The following SAP130 variants were observed in gnomAD, a reference collection of about 807,000 sequenced individuals.
SAP130 encodes the protein histone deacetylase complex subunit SAP130.
SAP130 carries 16 observed loss-of-function variants against 103.2 expected under a neutral mutation model. The ratio of observed to expected loss-of-function variants is 0.16; its 90% CI spans 0.10 to 0.24. The LOEUF (loss-of-function observed/expected upper bound fraction) is 0.24, where lower values mean the gene tolerates loss of function less well. Ranked by LOEUF, SAP130 falls within the 10% of genes least tolerant of loss-of-function variation. SAP130 has a pLI of 1.00. For synonymous variants in SAP130, 477 were observed against 497.0 expected, an observed-to-expected ratio of 0.96 and a Z score of 0.53; for missense variants, 990 against 1,359.7, an observed-to-expected ratio of 0.73 and a Z score of 4.28.
At chr2:127,994,877 A>G (rs528476380) in intron 11 of SAP130, among the ~76,000 whole-genome samples, 99 of 152,384 alleles carry the variant, frequency 6.5e-4, no homozygotes, top group Non-Finnish European at 1.2e-3. Context: ...ATAAACATTT[A>G]GAGCTAATTT....
At position 128,013,890 on chromosome 2, in the gene SAP130, G is replaced by A. The variant is rs900835514; in HGVS notation, c.620-736C>T. ...AAACCAGCCTGGGTAACCCAGTGAGGCCCCATCTCAAAAAATAATTATCAT... is the reference window on the plus strand; with the variant it reads ...AAACCAGCCTGGGTAACCCAGTGAGACCCCATCTCAAAAAATAATTATCAT... On this transcript the variant is annotated intron_variant, in intron 5 of 20. Transcript: ENST00000643581. 1.3e-5 allele frequency among the ~76,000 whole-genome samples: 2 copies of A among 152,068 alleles called. 1 individual carries two copies. Among genetic ancestry groups the A allele is most frequent in the Non-Finnish European group, 2.9e-5 (2 of 68,004 alleles).
intron 18 of SAP130, among the ~76,000 whole-genome samples, chr2:127,947,775 T>A (rs2438037): frequency 9.7e-4 from 16 of 16,446 alleles, no homozygotes; most frequent in Admixed American, 4.1e-3. Flanking sequence ...TGTGTGTGTG[T>A]GTGTGTGTGT....
chr2:127,955,078 C>G lies in SAP130; in HGVS notation c.2330G>C (p.Gly777Ala). ...AAAPPPSVTV[G>A]GSLSSVLGPP... ...GCCCAAGACGGAGGAAAGACTGCCA[C>G]CCACAGTGACTGATGGAGGTGGTGC... Residue 777 changes from glycine to alanine, a missense_variant, in exon 16 of 21, where the codon GGT becomes GCT. Coordinates refer to ENST00000643581, the MANE Select transcript of SAP130 (RefSeq NM_001330301.2). This position sits in a 1 kb window ranked among gnomAD's most constrained non-coding sequence, Gnocchi z 4.9. 1 of 1,614,136 alleles carries G rather than the reference C, an allele frequency of 6.2e-7. No homozygotes were observed.
In SAP130 at chr2:127,996,612, CAAAATAA is replaced by C. The variant is rs1573778554; in HGVS notation, c.1214-128_1214-122del. ...ATTAAAATAAGCCTGGATTTTTAAT[CAAAATAA>C]AAAATGAAAAATAAGTACAAAGTTC... On this transcript the variant is annotated intron_variant, in intron 10 of 20. Coordinates refer to ENST00000643581, the MANE Select transcript of SAP130 (RefSeq NM_001330301.2). This position sits in a 1 kb window ranked among gnomAD's most constrained non-coding sequence, Gnocchi z 4.3. The C allele has an allele frequency of 4.3e-6, 4 of 932,966 alleles. No individual in the cohort carries two copies. The East Asian group carries it at 1.2e-4, about 29-fold the overall frequency. The allele number at this position is 932,966 out of a possible 1,614,324, so 57.8% of individuals were successfully genotyped here. A position where few individuals can be genotyped will look rare whatever the true frequency, so the allele number is the denominator to read the frequency against.
intron 5 of SAP130, among the ~76,000 whole-genome samples, chr2:128,013,963 C>T (rs9283457): frequency 1 from 151,999 of 152,310 alleles, 75,844 homozygotes; most frequent in Middle Eastern, 1. Flanking sequence ...AAGATCATCA[C>T]TGAACTTTAA....
rs536220569 is a variant in SAP130 at position 127,965,527 on chromosome 2, C to T, written c.2064-10183G>A. ...GGCAGGGAGTGGGCATGGTGGCTCA[C>T]GCCTGTAATCCCAGCACTTTGGGAG... On this transcript the variant is annotated intron_variant, in intron 15 of 20. Transcript: ENST00000643581. 6.6e-5 allele frequency among the ~76,000 whole-genome samples: 10 copies of T among 151,912 alleles called. No homozygotes were observed. The South Asian group carries it at 8.3e-4, about 13-fold the overall frequency.
In SAP130 at chr2:127,942,840, T is replaced by A. The variant is rs976972343; in HGVS notation, c.2902-303A>T. 2.6e-5 allele frequency among the ~76,000 whole-genome samples: 4 copies of A among 151,840 alleles called. No individual in the cohort carries two copies. Among genetic ancestry groups the A allele is most frequent in the Non-Finnish European group, 5.9e-5 (4 of 67,956 alleles). ...GCCATCTCTATTAAAAATACAAAATTAGCTGGGCGTGGTGGCGCATGCCTG... is the reference window on the plus strand; with the variant it reads ...GCCATCTCTATTAAAAATACAAAATAAGCTGGGCGTGGTGGCGCATGCCTG... On this transcript the variant is annotated intron_variant, in intron 19 of 20. Coordinates refer to ENST00000643581, the MANE Select transcript of SAP130 (RefSeq NM_001330301.2). This position sits in a 1 kb window ranked among gnomAD's most constrained non-coding sequence, Gnocchi z 4.8.
At position 127,978,071 on chromosome 2, in the gene SAP130, G is replaced by C; in HGVS notation, c.1977C>G (p.Thr659=). ...CATCAGGAGGCTGAGGAGGAATGAG[G>C]GTTTTCCGAACTGCCATTCTGAAAG... ...PATDGMAVRK[T]LIPPQPPDVA... The change falls in exon 15 of 21, where the codon ACC becomes ACG. Residue 659 remains threonine, a synonymous_variant. Coordinates refer to ENST00000643581, the MANE Select transcript of SAP130 (RefSeq NM_001330301.2). 1 of 1,551,612 alleles carries C rather than the reference G, an allele frequency of 6.4e-7. No individual in the cohort carries two copies. Among genetic ancestry groups the C allele is most frequent in the South Asian group, 1.2e-5 (1 of 84,050 alleles).
chr2:127,966,385 A>G (rs1680661257), intron 15 of SAP130, among the ~76,000 whole-genome samples: 1 of 151,724 alleles, frequency 6.6e-6, no homozygotes, highest in South Asian at 2.1e-4. Context: ...CTTCATTGTA[A>G]ATTAGATTCT....
intron 8 of SAP130, 69 bp from the exon 9 acceptor site, chr2:128,000,215 T>C (rs1471594755): frequency 6.2e-6 from 10 of 1,606,946 alleles, no homozygotes; most frequent in South Asian, 1.1e-5. Context: ...ACACAATCAA[T>C]GCCTTCGGTA....
At chr2:128,010,834 A>G (rs1264745324) in intron 6 of SAP130, among the ~76,000 whole-genome samples, 1 of 151,768 alleles carries the variant, frequency 6.6e-6, no homozygotes, top group Non-Finnish European at 1.5e-5. Context: ...ATTGCGCTCC[A>G]GCTTGAGCAA....
intron 7 of SAP130, among the ~76,000 whole-genome samples, chr2:128,000,742 T>C (rs1683498859): frequency 6.6e-6 from 1 of 152,088 alleles, no homozygotes; most frequent in South Asian, 2.1e-4. Context: ...ATTATAATAA[T>C]TGCACTTCAG....
chr2:127,946,858 TG>T (rs1331034148), intron 18 of SAP130, among the ~76,000 whole-genome samples: 1 of 150,198 alleles, frequency 6.7e-6, no homozygotes, highest in Admixed American at 6.7e-5. Flanking sequence ...TACTGCAGCC[TG>T]GGGGACAGAG....
chr2:128,007,662 T>A (rs994633466), intron 7 of SAP130, among the ~76,000 whole-genome samples: 2 of 152,206 alleles, frequency 1.3e-5, no homozygotes, highest in Admixed American at 1.3e-4. Context: ...GAACAAAGGA[T>A]CAGGGGAGTT....
intron 18 of SAP130, among the ~76,000 whole-genome samples, chr2:127,945,979 G>A (rs1679050958): frequency 6.6e-6 from 1 of 152,090 alleles, no homozygotes; most frequent in African/African-American, 2.4e-5. Context: ...TTGAGGTAAT[G>A]GTTTCATCTA....
chr2:128,010,543 CT>C (rs1164542095), intron 6 of SAP130, 150 bp from the exon 7 acceptor site: 2 of 872,242 alleles, frequency 2.3e-6, no homozygotes, highest in East Asian at 2.7e-5. Flanking sequence ...AAGGAATTCT[CT>C]TTTCAGATAG....
chr2:127,957,855 A>T (rs2438016), intron 15 of SAP130, among the ~76,000 whole-genome samples: 115,219 of 151,908 alleles, frequency 0.76, 45,791 homozygotes, highest in Non-Finnish European at 0.88. Context: ...GAGAAAAAAT[A>T]AAAAAAATCA....
At chr2:127,954,172 G>A (rs1265031229) in intron 16 of SAP130, among the ~76,000 whole-genome samples, 3 of 152,112 alleles carry the variant, frequency 2.0e-5, no homozygotes, top group Admixed American at 1.3e-4. Flanking sequence ...AGTGCCAAGG[G>A]TAAATATACC....
intron 13 of SAP130, among the ~76,000 whole-genome samples, chr2:127,988,567 C>A (rs966820831): frequency 6.6e-6 from 1 of 151,612 alleles, no homozygotes; most frequent in Non-Finnish European, 1.5e-5. Context: ...AAAAAATAAC[C>A]TAGCTGGTGT....
Sources: gnomAD v4.1 joint callset for allele counts (sites outside exome capture counted in the v4.1 genomes callset) on GRCh38, gnomAD v4.1.1 for gene constraint, Gnocchi (gnomAD v3.1) non-coding constraint, MANE v1.5 for transcripts, NCBI Gene and HGNC (gene_info 2026-07-23, HGNC 2026-07-21) for gene names.